The following NELL2 variants were observed in gnomAD, a reference collection of about 807,000 sequenced individuals.
The protein encoded by NELL2 is protein kinase C-binding protein NELL2.
NELL2 carries 41 observed loss-of-function variants against 109.6 expected under a neutral mutation model. That is an observed-to-expected ratio of 0.37 (90% CI 0.29 to 0.49). The LOEUF (loss-of-function observed/expected upper bound fraction) is 0.49. Ranked by LOEUF, NELL2 falls within the 20% of genes least tolerant of loss-of-function variation. The probability of loss-of-function intolerance (pLI) is 0.98; values close to 1 mark genes in which losing one functional copy is unlikely to be tolerated. For synonymous variants in NELL2, 355 were observed against 344.7 expected, an observed-to-expected ratio of 1.03 and a Z score of -0.33; for missense variants, 900 against 1,008.3, an observed-to-expected ratio of 0.89 and a Z score of 1.45.
Position 44,779,992 on chromosome 12 carries a change from C to T in NELL2, c.366G>A (p.Arg122=), listed in dbSNP as rs535789057. The change falls in exon 4 of 20, where the codon CGG becomes CGA. Residue 122 remains arginine (R), a synonymous_variant. Transcript: ENST00000429094. ...AGCGGTAATGCAGTCTGACTTCATT[C>T]CGATGGCCACTACTTTCCAGTTCCA... ...RYLELESSGH[R]NEVRLHYRSG... is the part of the protein sequence containing the mutation. The T allele has an allele frequency of 1.1e-5, 17 of 1,613,604 alleles. No homozygotes were observed. Among genetic ancestry groups the T allele is most frequent in the African/African-American group, 2.7e-5 (2 of 74,884 alleles).
intron 14 of NELL2, among the ~76,000 whole-genome samples, chr12:44,610,593 C>T (rs1226795606): frequency 1.3e-5 from 2 of 151,926 alleles, no homozygotes; most frequent in South Asian, 4.1e-4. Flanking sequence ...TAGAAAGGAA[C>T]AGAGATGAAA....
At chr12:44,859,113 G>A (rs1305597772) in intron 2 of NELL2, among the ~76,000 whole-genome samples, 3 of 152,072 alleles carry the variant, frequency 2.0e-5, no homozygotes, top group Non-Finnish European at 4.4e-5. Context: ...TCTTTTTCAT[G>A]ATTTACGATA....
chr12:44,914,536 A>C (rs1009179831), upstream of NELL2, among the ~76,000 whole-genome samples: 5 of 152,126 alleles, frequency 3.3e-5, no homozygotes, highest in African/African-American at 1.2e-4. Context: ...TTTTTTCTAC[A>C]TAGCAATTAA....
intron 13 of NELL2, among the ~76,000 whole-genome samples, chr12:44,644,193 T>C (rs1470782067): frequency 3.3e-5 from 5 of 152,050 alleles, no homozygotes; most frequent in Admixed American, 2.6e-4. Flanking sequence ...GGCCATTATG[T>C]AGCAGCAGAA....
chr12:44,813,033 T>G (rs1446649802), intron 3 of NELL2, among the ~76,000 whole-genome samples: 6 of 152,144 alleles, frequency 3.9e-5, no homozygotes, highest in African/African-American at 1.4e-4. Context: ...ATGAGAGGTT[T>G]GTGAATTTTT....
At chr12:44,799,511 A>G (rs961811911) in intron 3 of NELL2, among the ~76,000 whole-genome samples, 1 of 69,824 alleles carries the variant, frequency 1.4e-5, no homozygotes, top group Non-Finnish European at 3.5e-5. Context: ...TGGTAGGTTG[A>G]GAAGGGTCAA....
intron 15 of NELL2, 117 bp downstream of exon 15, chr12:44,607,052 A>T: frequency 1.2e-6 from 1 of 807,296 alleles, no homozygotes. Flanking sequence ...TCACTTCCTT[A>T]TTAATAGCTC....
chr12:44,599,538 C>T lies in NELL2; in HGVS notation c.1663+7631G>A, dbSNP rs184782028. On this transcript the variant is annotated intron_variant, in intron 15 of 19. Transcript: ENST00000429094. ...GATAGGTTTGAAAAATTATCAAAGGCACAACACTGAGAGATAAAGAGATGA... is the reference window on the plus strand; with the variant it reads ...GATAGGTTTGAAAAATTATCAAAGGTACAACACTGAGAGATAAAGAGATGA... 6.6e-5 allele frequency among the ~76,000 whole-genome samples: 10 copies of T among 151,908 alleles called. No individual in the cohort carries two copies. The East Asian group carries it at 1.9e-3, about 29-fold the overall frequency.
intron 3 of NELL2, among the ~76,000 whole-genome samples, chr12:44,810,928 A>C (rs1483686460): frequency 6.6e-6 from 1 of 152,158 alleles, no homozygotes; most frequent in East Asian, 1.9e-4. Context: ...TGATATTTTA[A>C]TGTCTCATGA....
At chr12:44,712,862 C>T (rs188445710) in intron 10 of NELL2, among the ~76,000 whole-genome samples, 59 of 151,554 alleles carry the variant, frequency 3.9e-4, no homozygotes, top group Non-Finnish European at 1.0e-4. Flanking sequence ...TTGGATATAT[C>T]GGGGAAAACA....
intron 13 of NELL2, among the ~76,000 whole-genome samples, chr12:44,627,000 AT>A (rs1946290478): frequency 6.6e-6 from 1 of 151,978 alleles, no homozygotes; most frequent in Admixed American, 6.6e-5. Flanking sequence ...CCCTAGTGTG[AT>A]TTTGCAAATC....
At chr12:44,850,076 TA>T (rs1944489173) in intron 2 of NELL2, among the ~76,000 whole-genome samples, 1 of 152,162 alleles carries the variant, frequency 6.6e-6, no homozygotes, top group Admixed American at 6.5e-5. Flanking sequence ...TGTATACAAT[TA>T]TCTAAACTCA....
chr12:44,578,433 G>C (rs201322013), intron 15 of NELL2, among the ~76,000 whole-genome samples: 1 of 5,664 alleles, frequency 1.8e-4, no homozygotes, highest in South Asian at 0.026. Context: ...ATCAAGATAG[G>C]AAAAAAAAAG....
chr12:44,919,640 G>T (rs368812401), intron 1 of NELL2, among the ~76,000 whole-genome samples: 16 of 152,178 alleles, frequency 1.1e-4, no homozygotes, highest in African/African-American at 3.6e-4. Context: ...CAGAGTGACG[G>T]GTCTACAAGA....
At chr12:44,589,556 T>A (rs1944667568) in intron 15 of NELL2, among the ~76,000 whole-genome samples, 1 of 152,114 alleles carries the variant, frequency 6.6e-6, no homozygotes, top group Admixed American at 6.5e-5. Context: ...AATTTTTGTA[T>A]TTTTAGTAAA....
chr12:44,556,938 G>T (rs532178399), intron 15 of NELL2, among the ~76,000 whole-genome samples: 2 of 152,284 alleles, frequency 1.3e-5, no homozygotes, highest in African/African-American at 4.8e-5. Context: ...TGAATATATA[G>T]GTTGGGGCCA....
intron 11 of NELL2, among the ~76,000 whole-genome samples, chr12:44,704,443 A>G (rs767701541): frequency 1.3e-5 from 2 of 152,230 alleles, no homozygotes; most frequent in Non-Finnish European, 2.9e-5. Flanking sequence ...TTTAGGAATT[A>G]TAGAGATTTC....
At chr12:44,521,108 T>C (rs1372951311) in intron 18 of NELL2, among the ~76,000 whole-genome samples, 1 of 152,214 alleles carries the variant, frequency 6.6e-6, no homozygotes, top group African/African-American at 2.4e-5. Flanking sequence ...AAGAAATTCG[T>C]TCAACTGAAA....
rs762046983 is a variant in NELL2 at position 44,508,993 on chromosome 12, A to T, written c.2401-9T>A. On this transcript the variant is annotated splice_polypyrimidine_tract_variant and intron_variant, in intron 19 of 19. Coordinates refer to ENST00000429094, the MANE Select transcript of NELL2 (RefSeq NM_001145108.2). ...CAACAGATGTGGCCATTCTAGATTTAAAAAAAGTAGAAAGAAAAACAGTAT... is the reference window on the plus strand; with the variant it reads ...CAACAGATGTGGCCATTCTAGATTTTAAAAAAGTAGAAAGAAAAACAGTAT... 38 of 1,607,614 alleles carry T rather than the reference A, an allele frequency of 2.4e-5. No homozygotes were observed. Among genetic ancestry groups the T allele is most frequent in the African/African-American group, 1.1e-4 (8 of 74,730 alleles).
Sources: gnomAD v4.1 joint callset for allele counts (sites outside exome capture counted in the v4.1 genomes callset) on GRCh38, gnomAD v4.1.1 for gene constraint, MANE v1.5 for transcripts, NCBI Gene and HGNC (gene_info 2026-07-23, HGNC 2026-07-21) for gene names.